CPAMD8: variants seen among roughly 807,000 people sequenced by gnomAD.
CPAMD8 encodes C3 and PZP like alpha-2-macroglobulin domain containing 8.
In CPAMD8, 146 loss-of-function variants were observed where a neutral mutation model predicts 224.7. The observed-to-expected ratio is 0.65, with a 90% confidence interval of 0.57 to 0.75. The LOEUF is 0.75. Among genes scored for constraint, CPAMD8 ranks in the 30% least tolerant of loss-of-function variants. The probability of loss-of-function intolerance (pLI) is 0.00; values close to 1 mark genes in which losing one functional copy is unlikely to be tolerated. For missense variants in CPAMD8, 2,301 were observed against 2,537.5 expected, an observed-to-expected ratio of 0.91 and a Z score of 2.00; for synonymous variants, 966 against 1,044.6, an observed-to-expected ratio of 0.92 and a Z score of 1.45.
At chr19:16,991,854 C>CAAAA (rs201607210) in intron 12 of CPAMD8, among the ~76,000 whole-genome samples, 7,682 of 144,474 alleles carry the variant, frequency 0.053, 212 homozygotes, top group African/African-American at 0.067. Context: ...GACTCTGTAT[C>CAAAA]AAAAAAAAAA....
intron 22 of CPAMD8, among the ~76,000 whole-genome samples, chr19:16,939,891 G>A (rs2053827913): frequency 6.6e-6 from 1 of 151,654 alleles, no homozygotes; most frequent in African/African-American, 2.4e-5. Flanking sequence ...TGTTGTTGTT[G>A]TTGTTTTGGG....
At chr19:17,014,324 G>T (rs1351617615) in intron 3 of CPAMD8, among the ~76,000 whole-genome samples, 2 of 152,074 alleles carry the variant, frequency 1.3e-5, no homozygotes, top group African/African-American at 4.8e-5. Context: ...CTCCCAAAGT[G>T]CTGGGATTAC....
chr19:16,956,581 A>G (rs62125974), intron 19 of CPAMD8, among the ~76,000 whole-genome samples: 28,284 of 152,126 alleles, frequency 0.19, 2,913 homozygotes, highest in Admixed American at 0.25. Flanking sequence ...TGTAATTCTA[A>G]CACGTTGAGA....
intron 17 of CPAMD8, among the ~76,000 whole-genome samples, chr19:16,974,658 G>T (rs2055191330): frequency 6.6e-6 from 1 of 151,920 alleles, no homozygotes; most frequent in African/African-American, 2.4e-5. Context: ...CTTTCACTGG[G>T]GAGAAATGAA....
intron 29 of CPAMD8, among the ~76,000 whole-genome samples, chr19:16,909,372 A>G (rs1032469147): frequency 6.6e-5 from 10 of 152,054 alleles, no homozygotes; most frequent in African/African-American, 2.4e-4. Context: ...GTGAAACCCC[A>G]TCTCTACTAA....
At chr19:16,965,580 T>C (rs1475504809) in intron 18 of CPAMD8, among the ~76,000 whole-genome samples, 1 of 152,200 alleles carries the variant, frequency 6.6e-6, no homozygotes, top group Non-Finnish European at 1.5e-5. Context: ...CATGATTGTA[T>C]ATTTAGAAAA....
intron 16 of CPAMD8, 70 bp from the exon 17 acceptor site, chr19:16,975,328 T>C: frequency 7.8e-7 from 1 of 1,278,602 alleles, no homozygotes; most frequent in Non-Finnish European, 1.1e-6. Flanking sequence ...CTCCCGTGGG[T>C]GTGGCATGCT....
Position 16,893,351 on chromosome 19 carries a change from G to A in CPAMD8, c.5427-12C>T. 1 of 1,502,920 alleles carries A rather than the reference G, an allele frequency of 6.7e-7. No homozygotes were observed. The highest frequency in any genetic ancestry group is 8.9e-7 in the Non-Finnish European group (1 of 1,119,466). The allele number at this position is 1,502,920 out of a possible 1,614,324, so 93.1% of individuals were successfully genotyped here. A position where few individuals can be genotyped will look rare whatever the true frequency, so the allele number is the denominator to read the frequency against. On this transcript the variant is annotated splice_polypyrimidine_tract_variant and intron_variant, in intron 41 of 41. Coordinates refer to ENST00000443236, the MANE Select transcript of CPAMD8 (RefSeq NM_015692.5). ...GCCCGGCTGTGACCCTGGAGATGAG[G>A]TTTTATCTTACAACATCCTCTACAG...
chr19:16,893,046 G>A lies in CPAMD8; in HGVS notation c.*62C>T. The A allele has an allele frequency of 1.3e-6, 1 of 797,518 alleles. No individual in the cohort carries two copies. The highest frequency in any genetic ancestry group is 1.7e-5 in the Admixed American group (1 of 58,672). 49.4% of individuals were successfully genotyped at this position (797,518 alleles called of 1,614,324 possible). ...TGTTAACCACAGGCACAAGCTGGGT[G>A]TGTGGGTATGAATGGTCCCCAGGAC... is the stretch of plus-strand genomic sequence containing the variant. On this transcript the variant is annotated 3_prime_UTR_variant, in exon 42 of 42. Coordinates refer to ENST00000443236, the MANE Select transcript of CPAMD8 (RefSeq NM_015692.5).
In CPAMD8 at chr19:16,993,583, C is replaced by T; in HGVS notation, c.1099G>A (p.Glu367Lys). Residue 367 changes from glutamate (E) to lysine (K), a missense_variant, in exon 12 of 42, where the codon GAG becomes AAG. Physicochemically the swap from Glu to Lys is moderately conservative, Grantham distance 56. Around this residue, in one of 4 missense-constraint regions of CPAMD8, gnomAD observed 301 missense variants for 406.6 expected, o/e 0.74. Coordinates refer to ENST00000443236, the MANE Select transcript of CPAMD8 (RefSeq NM_015692.5). ...KPGLAYVGKV[E>K]LSYPDGSPAE... Reference sequence around the variant, plus strand: ...GGGCTGCCATCGGGGTAGGATAGCTCCACCTAGAAAAGGTCACCCAAGACA... The same window carrying T: ...GGGCTGCCATCGGGGTAGGATAGCTTCACCTAGAAAAGGTCACCCAAGACA... 11 of 1,614,074 alleles carry T rather than the reference C, an allele frequency of 6.8e-6. No homozygotes were observed. The highest frequency in any genetic ancestry group is 9.3e-6 in the Non-Finnish European group (11 of 1,179,958).
chr19:17,024,383 C>A (rs1225103940), intron 1 of CPAMD8, among the ~76,000 whole-genome samples: 1 of 152,192 alleles, frequency 6.6e-6, no homozygotes, highest in African/African-American at 2.4e-5. Context: ...TACATAACTC[C>A]AGCACTGACC....
Position 16,970,898 on chromosome 19 carries a change from G to C in CPAMD8, c.2206C>G (p.Pro736Ala). ...CAATGTATAAGCCGTTACCTGGGGGGGTGCCTGGAAGGAGCCACTGCCACC... is the reference window on the plus strand; with the variant it reads ...CAATGTATAAGCCGTTACCTGGGGGCGTGCCTGGAAGGAGCCACTGCCACC... Reference protein sequence around the residue: ...SLVAVAPSRHPPRTEKRKRTF... With the variant: ...SLVAVAPSRHAPRTEKRKRTF... Residue 736 changes from proline (P) to alanine (A), a missense_variant, in exon 18 of 42, where the codon CCC becomes GCC. This residue lies in a region of CPAMD8 where 1,709 missense variants were observed against 1,753.2 expected (regional missense o/e 0.97). Transcript: ENST00000443236. The C allele has an allele frequency of 6.2e-7, 1 of 1,613,470 alleles. No individual in the cohort carries two copies. Among genetic ancestry groups the C allele is most frequent in the Non-Finnish European group, 8.5e-7 (1 of 1,179,866 alleles).
intron 26 of CPAMD8, among the ~76,000 whole-genome samples, chr19:16,924,331 T>A (rs2053281386): frequency 6.6e-6 from 1 of 151,958 alleles, no homozygotes; most frequent in South Asian, 2.1e-4. Context: ...GCACACAGGG[T>A]CCGGCTGTCC....
chr19:16,901,968 T>A (rs2052276219), intron 35 of CPAMD8, among the ~76,000 whole-genome samples: 1 of 152,046 alleles, frequency 6.6e-6, no homozygotes, highest in African/African-American at 2.4e-5. Context: ...TCTGATGGGC[T>A]GCGAGTGTCA....
chr19:16,978,346 C>G (rs1337008717), intron 14 of CPAMD8, among the ~76,000 whole-genome samples: 2 of 152,140 alleles, frequency 1.3e-5, no homozygotes, highest in African/African-American at 4.8e-5. Context: ...CACAGTGGAA[C>G]CACCACCATC....
At position 16,895,998 on chromosome 19, in the gene CPAMD8, T is replaced by A. The variant is rs538055066; in HGVS notation, c.5426+178A>T. The A allele has an allele frequency of 1.7e-5, 13 of 744,034 alleles. No individual in the cohort carries two copies. In the African/African-American group the frequency reaches 2.1e-4, roughly 12 times the overall value. 46.1% of individuals were successfully genotyped at this position (744,034 alleles called of 1,614,324 possible). On this transcript the variant is annotated intron_variant, in intron 41 of 41. Coordinates refer to ENST00000443236, the MANE Select transcript of CPAMD8 (RefSeq NM_015692.5). ...TGGGCCAGGGTGGAGGGAGGATGAA[T>A]GTCCCACTTTGTCCCCAGGAACTCT...
intron 22 of CPAMD8, among the ~76,000 whole-genome samples, chr19:16,942,904 T>C (rs1265177717): frequency 6.6e-6 from 1 of 152,234 alleles, no homozygotes; most frequent in Admixed American, 6.5e-5. Flanking sequence ...AGATCTGTGC[T>C]TCACTCCTTT....
rs760630085 is a variant in CPAMD8, at chr19:16,902,765, G to A, written c.4569C>T (p.Pro1523=). The change falls in exon 35 of 42, where the codon CCC becomes CCT. Residue 1523 remains proline (P), a synonymous_variant. Transcript: ENST00000443236. ...QEPEAQGRPP[P]MPASAAEGSR... is the part of the protein sequence containing the mutation. Reference sequence around the variant, plus strand: ...AACCCTCAGCTGCGGAGGCAGGCATGGGGGGCGGGCGTCCCTGGGCCTCAG... The same window carrying A: ...AACCCTCAGCTGCGGAGGCAGGCATAGGGGGCGGGCGTCCCTGGGCCTCAG... 3.8e-6 allele frequency: 6 copies of A among 1,593,546 alleles called. No homozygotes were observed. Among genetic ancestry groups the A allele is most frequent in the East Asian group, 2.3e-5 (1 of 44,156 alleles).
At chr19:16,956,866 C>T (rs144509497) in intron 19 of CPAMD8, among the ~76,000 whole-genome samples, 8 of 152,086 alleles carry the variant, frequency 5.3e-5, no homozygotes, top group African/African-American at 1.9e-4. Flanking sequence ...CAGGGTTTCA[C>T]CATGTTAGAG....
Sources: gnomAD v4.1 joint callset for allele counts (sites outside exome capture counted in the v4.1 genomes callset) on GRCh38, gnomAD v4.1.1 for gene constraint, gnomAD v4.1.1 regional missense constraint, MANE v1.5 for transcripts, NCBI Gene and HGNC (gene_info 2026-07-23, HGNC 2026-07-21) for gene names.